The following CADM1 variants were observed in gnomAD, a reference collection of about 807,000 sequenced individuals.
CADM1 encodes cell adhesion molecule 1, also known as TSLC-1.
In CADM1, 15 loss-of-function variants were observed where a neutral mutation model predicts 53.1. The observed-to-expected ratio is 0.28, with a 90% CI of 0.19 to 0.44. CADM1 has a LOEUF of 0.44. Ranked by LOEUF, CADM1 falls within the 20% of genes least tolerant of loss-of-function variation. The probability of loss-of-function intolerance (pLI) is 1.00; values close to 1 mark genes in which losing one functional copy is unlikely to be tolerated. For missense variants in CADM1, 434 were observed against 611.3 expected, an observed-to-expected ratio of 0.71 and a Z score of 3.06; for synonymous variants, 281 against 243.0, an observed-to-expected ratio of 1.16 and a Z score of -1.45.
chr11:115,285,362 A>C (rs560276182), intron 1 of CADM1, among the ~76,000 whole-genome samples: 1 of 152,376 alleles, frequency 6.6e-6, no homozygotes, highest in African/African-American at 2.4e-5. Flanking sequence ...AATTGTTCTA[A>C]GTACTTTAGA....
intron 1 of CADM1, among the ~76,000 whole-genome samples, chr11:115,367,145 T>A (rs1477684079): frequency 6.6e-6 from 1 of 152,216 alleles, no homozygotes; most frequent in Non-Finnish European, 1.5e-5. Context: ...GCCCCGGAGT[T>A]CGAGGCTGCA....
chr11:115,486,593 C>A (rs1372417195), intron 1 of CADM1, among the ~76,000 whole-genome samples: 2 of 152,194 alleles, frequency 1.3e-5, no homozygotes, highest in East Asian at 3.8e-4. Context: ...AATCCTCCCA[C>A]CTAGGCCTCC....
At chr11:115,401,477 G>A (rs1277920072) in intron 1 of CADM1, among the ~76,000 whole-genome samples, 2 of 152,144 alleles carry the variant, frequency 1.3e-5, no homozygotes, top group East Asian at 1.9e-4. Flanking sequence ...GCATGGTGGC[G>A]CACGCCTGTA....
chr11:115,198,515 A>C, intron 8 of CADM1, 77 bp from the exon 9 acceptor site: 1 of 1,074,158 alleles, frequency 9.3e-7, no homozygotes, highest in Non-Finnish European at 1.4e-6. Context: ...AAATGGAAAA[A>C]AAATGGAACA....
At chr11:115,468,072 A>G (rs1424344511) in intron 1 of CADM1, among the ~76,000 whole-genome samples, 1 of 152,242 alleles carries the variant, frequency 6.6e-6, no homozygotes, top group African/African-American at 2.4e-5. Flanking sequence ...TAATAAAACA[A>G]AAGCATTCTG....
intron 1 of CADM1, among the ~76,000 whole-genome samples, chr11:115,421,352 C>A (rs1223800726): frequency 6.6e-6 from 1 of 152,210 alleles, no homozygotes; most frequent in African/African-American, 2.4e-5. Context: ...AACTACTTGA[C>A]AAGTGGGAGA....
chr11:115,192,679 G>C (rs1313242914), intron 9 of CADM1, among the ~76,000 whole-genome samples: 1 of 152,132 alleles, frequency 6.6e-6, no homozygotes, highest in Non-Finnish European at 1.5e-5. Flanking sequence ...ATTAAACAAG[G>C]ATGTTTCAAG....
At chr11:115,284,114 C>CTCTCTCTCTCTCTGTG (rs1351842329) in intron 1 of CADM1, among the ~76,000 whole-genome samples, 14 of 98,686 alleles carry the variant, frequency 1.4e-4, no homozygotes, top group Non-Finnish European at 2.5e-4. Context: ...CTCTCTCTCT[C>CTCTCTCTCTCTCTGTG]TGTGTGTGTG....
At chr11:115,356,643 G>A (rs1945879074) in intron 1 of CADM1, among the ~76,000 whole-genome samples, 1 of 152,116 alleles carries the variant, frequency 6.6e-6, no homozygotes, top group Non-Finnish European at 1.5e-5. Flanking sequence ...TTTGTTTAAA[G>A]TAGCCCTTTC....
At chr11:115,263,421 T>G (rs1943036216) in intron 1 of CADM1, among the ~76,000 whole-genome samples, 1 of 152,236 alleles carries the variant, frequency 6.6e-6, no homozygotes, top group Admixed American at 6.5e-5. Flanking sequence ...CTATCATGTT[T>G]CTCCTTAAAC....
chr11:115,238,670 G>C lies in CADM1; in HGVS notation c.272-18C>G. ...CTTCAAAGCTGTGAAACAAAACAGA[G>C]AGTTAGTGATTGTGAGAAGGTGGAC... On this transcript the variant is annotated intron_variant, in intron 2 of 11. Coordinates refer to ENST00000331581, the MANE Select transcript of CADM1 (RefSeq NM_001301043.2). The C allele has an allele frequency of 6.2e-7, 1 of 1,613,320 alleles. No homozygotes were observed. Among genetic ancestry groups the C allele is most frequent in the Non-Finnish European group, 8.5e-7 (1 of 1,179,464 alleles).
intron 1 of CADM1, among the ~76,000 whole-genome samples, chr11:115,413,843 C>T (rs1319314565): frequency 6.6e-6 from 1 of 151,978 alleles, no homozygotes; most frequent in East Asian, 1.9e-4. Flanking sequence ...TGGGGTTTCA[C>T]CATGTTGGCC....
chr11:115,489,499 G>A (rs1410745579), intron 1 of CADM1, among the ~76,000 whole-genome samples: 1 of 152,226 alleles, frequency 6.6e-6, no homozygotes, highest in Non-Finnish European at 1.5e-5. Flanking sequence ...GAAATGGTTA[G>A]AGAAGTTGTG....
At chr11:115,425,066 A>G (rs1947856919) in intron 1 of CADM1, among the ~76,000 whole-genome samples, 1 of 152,240 alleles carries the variant, frequency 6.6e-6, no homozygotes, top group Non-Finnish European at 1.5e-5. Flanking sequence ...AGCTCAGCAG[A>G]TAAAGACAAT....
intron 1 of CADM1, among the ~76,000 whole-genome samples, chr11:115,457,244 A>T (rs1286848296): frequency 6.6e-6 from 1 of 152,154 alleles, no homozygotes; most frequent in Non-Finnish European, 1.5e-5. Flanking sequence ...TCAAATTCCA[A>T]AACTGTATTC....
At chr11:115,391,182 AT>A (rs779785950) in intron 1 of CADM1, among the ~76,000 whole-genome samples, 30 of 152,354 alleles carry the variant, frequency 2.0e-4, no homozygotes, top group East Asian at 3.8e-4. Context: ...TATAAAAAAA[AT>A]GAGTACAATT....
chr11:115,344,498 C>G (rs1158214265), intron 1 of CADM1, among the ~76,000 whole-genome samples: 1 of 152,142 alleles, frequency 6.6e-6, no homozygotes, highest in East Asian at 1.9e-4. Flanking sequence ...TCCCCCTTCT[C>G]CATTGTTTCA....
At chr11:115,375,281 A>T (rs987183796) in intron 1 of CADM1, among the ~76,000 whole-genome samples, 8 of 152,192 alleles carry the variant, frequency 5.3e-5, no homozygotes, top group Admixed American at 5.2e-4. Context: ...TGTCAAAAGC[A>T]AAAGCAAACA....
At chr11:115,274,471 C>A (rs931455291) in intron 1 of CADM1, among the ~76,000 whole-genome samples, 13 of 152,230 alleles carry the variant, frequency 8.5e-5, no homozygotes, top group African/African-American at 2.7e-4. Flanking sequence ...CCCTTGTCCG[C>A]ATTTCAGTTT....
Sources: gnomAD v4.1 joint callset for allele counts (sites outside exome capture counted in the v4.1 genomes callset) on GRCh38, gnomAD v4.1.1 for gene constraint, MANE v1.5 for transcripts, NCBI Gene and HGNC (gene_info 2026-07-23, HGNC 2026-07-21) for gene names.